The following KCNN2 variants were observed in gnomAD, a reference collection of about 807,000 sequenced individuals.
KCNN2 encodes potassium calcium-activated channel subfamily N member 2.
Under a neutral mutation model 55.5 loss-of-function variants are expected in KCNN2, and 24 were observed. The observed-to-expected ratio is 0.43, with a 90% CI of 0.31 to 0.61. The LOEUF (loss-of-function observed/expected upper bound fraction) is 0.61. KCNN2 is among the 20% of genes least tolerant of loss of function. The pLI is 0.08. For synonymous variants in KCNN2, 431 were observed against 336.1 expected, an observed-to-expected ratio of 1.28 and a Z score of -3.09; for missense variants, 754 against 853.6, an observed-to-expected ratio of 0.88 and a Z score of 1.45.
At chr5:114,460,304 G>A (rs2150112494) in intron 3 of KCNN2, among the ~76,000 whole-genome samples, 1 of 152,244 alleles carries the variant, frequency 6.6e-6, no homozygotes, top group East Asian at 1.9e-4. Flanking sequence ...CAGTGGCAGT[G>A]CAGTCTTGGC....
At chr5:114,226,609 T>G (rs1160396657) in intron 2 of KCNN2, among the ~76,000 whole-genome samples, 3 of 152,122 alleles carry the variant, frequency 2.0e-5, no homozygotes. Flanking sequence ...AACTGTCATG[T>G]AAAGAAATAT....
intron 1 of KCNN2, among the ~76,000 whole-genome samples, chr5:114,152,010 G>A (rs1752539379): frequency 6.6e-6 from 1 of 152,088 alleles, no homozygotes; most frequent in African/African-American, 2.4e-5. Context: ...TATTCATGTG[G>A]AGCTAATACC....
chr5:114,466,598 T>C (rs190463484), intron 4 of KCNN2, among the ~76,000 whole-genome samples: 36 of 152,216 alleles, frequency 2.4e-4, no homozygotes, highest in African/African-American at 7.9e-4. Flanking sequence ...CATCTTATAC[T>C]GGAATTAAGG....
chr5:114,329,705 A>G (rs928194425), intron 2 of KCNN2, among the ~76,000 whole-genome samples: 3 of 151,388 alleles, frequency 2.0e-5, no homozygotes, highest in Admixed American at 2.0e-4. Context: ...TCCTTAATAA[A>G]CTCTCCTTTA....
chr5:114,318,905 T>C (rs1373411072), intron 2 of KCNN2, among the ~76,000 whole-genome samples: 1 of 152,134 alleles, frequency 6.6e-6, no homozygotes, highest in Non-Finnish European at 1.5e-5. Flanking sequence ...TATTTCAGTA[T>C]TACAGCTGAA....
At chr5:114,319,048 C>T (rs1397172143) in intron 2 of KCNN2, among the ~76,000 whole-genome samples, 1 of 152,072 alleles carries the variant, frequency 6.6e-6, no homozygotes, top group African/African-American at 2.4e-5. Flanking sequence ...GTACACAGAC[C>T]TCTGTATAAA....
chr5:114,269,526 A>T (rs1432338306), intron 2 of KCNN2, among the ~76,000 whole-genome samples: 1 of 147,140 alleles, frequency 6.8e-6, no homozygotes. Flanking sequence ...GGGTTGGGGG[A>T]ATATCATAGA....
intron 2 of KCNN2, among the ~76,000 whole-genome samples, chr5:114,401,695 C>G (rs754684884): frequency 2.0e-5 from 3 of 152,092 alleles, no homozygotes; most frequent in Non-Finnish European, 2.9e-5. Flanking sequence ...GGAGTTTGGT[C>G]TTGAAGGAAT....
At chr5:114,095,367 A>G (rs1267219698) in intron 1 of KCNN2, among the ~76,000 whole-genome samples, 1 of 152,198 alleles carries the variant, frequency 6.6e-6, no homozygotes, top group African/African-American at 2.4e-5. Flanking sequence ...TTTGCCAGGC[A>G]TTGTGCTAAA....
intron 2 of KCNN2, among the ~76,000 whole-genome samples, chr5:114,287,335 C>T (rs1755775131): frequency 6.6e-6 from 1 of 152,158 alleles, no homozygotes; most frequent in Non-Finnish European, 1.5e-5. Context: ...ATAGCAAAGA[C>T]TTGGAACCAA....
chr5:114,467,564 A>C (rs1251659547), intron 4 of KCNN2, among the ~76,000 whole-genome samples: 1 of 152,140 alleles, frequency 6.6e-6, no homozygotes, highest in Non-Finnish European at 1.5e-5. Context: ...TTAAGTTCTT[A>C]CATACAATAG....
At chr5:114,486,332 C>T (rs1176585157) in intron 5 of KCNN2, among the ~76,000 whole-genome samples, 2 of 152,174 alleles carry the variant, frequency 1.3e-5, no homozygotes, top group Admixed American at 6.5e-5. Context: ...TATCAGCTCC[C>T]AGGATTTGTT....
intron 2 of KCNN2, among the ~76,000 whole-genome samples, chr5:114,259,053 G>C (rs1755045568): frequency 6.6e-6 from 1 of 152,174 alleles, no homozygotes; most frequent in Admixed American, 6.5e-5. Flanking sequence ...CAGGGGCCCA[G>C]CACAGAAGCC....
intron 2 of KCNN2, among the ~76,000 whole-genome samples, chr5:114,289,369 CTTTTT>C (rs80026839): frequency 7.6e-6 from 1 of 132,118 alleles, no homozygotes. Flanking sequence ...TTAGAATCAA[CTTTTT>C]TTTTTTTTTT....
At chr5:114,305,945 A>C in intron 2 of KCNN2, among the ~76,000 whole-genome samples, 1 of 152,264 alleles carries the variant, frequency 6.6e-6, no homozygotes, top group South Asian at 2.1e-4. Flanking sequence ...TGTGGCATGC[A>C]TATTTTTTAT....
chr5:114,218,635 T>C (rs1754059450), intron 1 of KCNN2, among the ~76,000 whole-genome samples: 1 of 152,206 alleles, frequency 6.6e-6, no homozygotes, highest in African/African-American at 2.4e-5. Flanking sequence ...GGCAGTGAAT[T>C]ACTCTGTTTA....
chr5:114,449,134 T>C (rs192948846), intron 3 of KCNN2, among the ~76,000 whole-genome samples: 26 of 152,284 alleles, frequency 1.7e-4, no homozygotes, highest in African/African-American at 5.8e-4. Context: ...ACTTCCCACT[T>C]TCTTCCTGGT....
chr5:114,140,258 G>A (rs143756658), intron 1 of KCNN2, among the ~76,000 whole-genome samples: 1 of 152,272 alleles, frequency 6.6e-6, no homozygotes, highest in Non-Finnish European at 1.5e-5. Context: ...AGATTTTGCT[G>A]ACATATAGTA....
chr5:114,228,363 T>A (rs1401550715), intron 2 of KCNN2, among the ~76,000 whole-genome samples: 1 of 152,062 alleles, frequency 6.6e-6, no homozygotes, highest in African/African-American at 2.4e-5. Flanking sequence ...ATTACATTTA[T>A]GAAAATAATA....
Sources: allele counts gnomAD v4.1 joint callset (sites outside exome capture counted in the v4.1 genomes callset), GRCh38; gene constraint gnomAD v4.1.1; transcripts MANE v1.5; gene names NCBI Gene and HGNC (gene_info 2026-07-23, HGNC 2026-07-21).